DHX29: variants seen among roughly 807,000 people sequenced by gnomAD.
DHX29 encodes the protein ATP-dependent RNA helicase DHX29.
DHX29 carries 79 observed loss-of-function variants against 167.9 expected under a neutral mutation model. The observed-to-expected ratio is 0.47, with a 90% CI of 0.39 to 0.57. DHX29 has a LOEUF of 0.57. Among genes scored for constraint, DHX29 ranks in the 20% least tolerant of loss-of-function variants. DHX29 has a pLI of 0.00. For synonymous variants in DHX29, 530 were observed against 546.0 expected (o/e 0.97, Z 0.41); for missense variants, 1,347 against 1,593.4 (o/e 0.85, Z 2.63).
chr5:55,305,320 G>C (rs17581920), intron 1 of DHX29, among the ~76,000 whole-genome samples: 4,862 of 152,332 alleles, frequency 0.032, 112 homozygotes, highest in Non-Finnish European at 0.045. Flanking sequence ...GTTAGGGACA[G>C]ATTGCACTCC....
rs1747653181 is a variant in DHX29, at chr5:55,285,187, TA to T, written c.1356+105del. On this transcript the variant is annotated intron_variant, in intron 10 of 26. Transcript: ENST00000251636. ...GGTTGAAAGGAAGCCAAATTAGGAA[TA>T]ATGAGAAAGGATTAATCAGAAGAAA... is the stretch of plus-strand genomic sequence containing the variant. 9 of 1,479,786 alleles carry T rather than the reference TA, an allele frequency of 6.1e-6. No individual in the cohort carries two copies. In the South Asian group the frequency reaches 1.3e-4, roughly 21 times the overall value. 91.7% of individuals were successfully genotyped at this position (1,479,786 alleles called of 1,614,324 possible).
chr5:55,295,887 C>T (rs1051053289), intron 4 of DHX29, among the ~76,000 whole-genome samples: 5 of 152,188 alleles, frequency 3.3e-5, no homozygotes, highest in Admixed American at 2.6e-4. Flanking sequence ...CCAAAGATTA[C>T]AATCATGATC....
chr5:55,291,602 C>T (rs1417771135), intron 6 of DHX29, among the ~76,000 whole-genome samples: 3 of 152,122 alleles, frequency 2.0e-5, no homozygotes, highest in Non-Finnish European at 4.4e-5. Context: ...GTTGTACAAC[C>T]AGCACCACCA....
At chr5:55,293,938 A>C (rs1748173727) in intron 6 of DHX29, 79 bp downstream of exon 6, 1 of 1,474,970 alleles carries the variant, frequency 6.8e-7, no homozygotes, top group Non-Finnish European at 9.1e-7. Flanking sequence ...TTTACAAATG[A>C]GCAAACTAAG....
chr5:55,301,728 A>AAAAAAAAAC (rs1561172393), intron 1 of DHX29, among the ~76,000 whole-genome samples: 2 of 151,418 alleles, frequency 1.3e-5, no homozygotes, highest in African/African-American at 4.9e-5. Context: ...AAAAAAAAAA[A>AAAAAAAAAC]AAAAAAAACA....
chr5:55,291,019 A>C (rs1475564263), intron 6 of DHX29, among the ~76,000 whole-genome samples: 2 of 152,188 alleles, frequency 1.3e-5, no homozygotes, highest in Admixed American at 6.5e-5. Flanking sequence ...TGTCTCAAAA[A>C]AAAATTGTTT....
intron 21 of DHX29, among the ~76,000 whole-genome samples, chr5:55,268,448 A>G (rs980522664): frequency 2.6e-5 from 4 of 152,134 alleles, no homozygotes; most frequent in Admixed American, 6.5e-5. Context: ...TTTTAGAGAC[A>G]GAGTCTTGTT....
intron 8 of DHX29, among the ~76,000 whole-genome samples, chr5:55,286,697 C>T (rs1747747822): frequency 6.6e-6 from 1 of 152,216 alleles, no homozygotes; most frequent in African/African-American, 2.4e-5. Flanking sequence ...TGTCTCAGAA[C>T]AGCAGACATA....
chr5:55,291,886 T>C (rs1022158481), intron 6 of DHX29, among the ~76,000 whole-genome samples: 3 of 152,232 alleles, frequency 2.0e-5, no homozygotes, highest in Non-Finnish European at 4.4e-5. Context: ...CTATTCAGTT[T>C]GATGTGCATG....
intron 3 of DHX29, among the ~76,000 whole-genome samples, chr5:55,296,822 A>G (rs559930728): frequency 2.3e-4 from 35 of 152,108 alleles, no homozygotes; most frequent in Non-Finnish European, 4.9e-4. Flanking sequence ...ATCTTTATAG[A>G]TAAAGATAAA....
At position 55,256,154 on chromosome 5, in the gene DHX29, G is replaced by A. The variant is rs573309625; in HGVS notation, c.*334C>T. On this transcript the variant is annotated 3_prime_UTR_variant, in exon 27 of 27. Transcript: ENST00000251636. ...CTGCAGACATCAAGGACTGATAGGG[G>A]ATGAGGCAGCTACACAGGGAATCAC... 3.6e-5 allele frequency: 6 copies of A among 168,118 alleles called. No homozygotes were observed. Among genetic ancestry groups the A allele is most frequent in the South Asian group, 1.6e-4 (1 of 6,134 alleles). 10.4% of individuals were successfully genotyped at this position (168,118 alleles called of 1,614,324 possible).
intron 15 of DHX29, 34 bp downstream of exon 15, chr5:55,274,832 A>G: frequency 6.3e-7 from 1 of 1,592,740 alleles, no homozygotes; most frequent in South Asian, 1.1e-5. Context: ...GTTTTATCAA[A>G]TCAAATGGAG....
At chr5:55,266,059 G>A (rs1009995680) in intron 23 of DHX29, among the ~76,000 whole-genome samples, 4 of 151,666 alleles carry the variant, frequency 2.6e-5, no homozygotes, top group Admixed American at 2.0e-4. Flanking sequence ...GAGTGCAGTG[G>A]TGCGATCTTG....
Position 55,266,804 on chromosome 5 carries a change from C to T in DHX29, c.3525+334G>A, listed in dbSNP as rs549023821. 9.3e-4 allele frequency among the ~76,000 whole-genome samples: 141 copies of T among 151,662 alleles called. 2 individuals are homozygous for T. The highest frequency in any genetic ancestry group is 8.6e-3 in the Admixed American group (131 of 15,230). On this transcript the variant is annotated intron_variant, in intron 23 of 26. Transcript: ENST00000251636. ...TTAATTTTTTTATTTTTGGTAGAGA[C>T]GCAGTCTCACTATGTGCCCAGGCTG...
intron 6 of DHX29, among the ~76,000 whole-genome samples, chr5:55,293,173 T>C (rs1277846206): frequency 2.0e-5 from 3 of 152,222 alleles, no homozygotes; most frequent in African/African-American, 7.2e-5. Context: ...ACTTCTACCA[T>C]TTGCTTGTTG....
At position 55,307,579 on chromosome 5, in the gene DHX29, A is replaced by C. The variant is rs775635699; in HGVS notation, c.-6T>G. On this transcript the variant is annotated 5_prime_UTR_variant, in exon 1 of 27. Coordinates refer to ENST00000251636, the MANE Select transcript of DHX29 (RefSeq NM_019030.4). ...TTCTTGTTCTTGCCGCCCATGTTGC[A>C]GCTGTGGCAGAAGATCCTTCGCGGC... is the stretch of plus-strand genomic sequence containing the variant. 3 of 1,613,140 alleles carry C rather than the reference A, an allele frequency of 1.9e-6. No homozygotes were observed. The highest frequency in any genetic ancestry group is 2.2e-5 in the South Asian group (2 of 91,054).
In DHX29 at chr5:55,298,578, C is replaced by T. The variant is rs533172191; in HGVS notation, c.261+13G>A. 2.8e-6 allele frequency: 4 copies of T among 1,453,036 alleles called. No individual in the cohort carries two copies. The South Asian group carries it at 3.5e-5, about 13-fold the overall frequency. The allele number at this position is 1,453,036 out of a possible 1,614,324, so 90.0% of individuals were successfully genotyped here. On this transcript the variant is annotated intron_variant, in intron 2 of 26. Coordinates refer to ENST00000251636, the MANE Select transcript of DHX29 (RefSeq NM_019030.4). ...AACATTTCTTGAAATGACTCAAAAC[C>T]TTTGTTACTTACTTTCAAAATAGAT...
Position 55,262,887 on chromosome 5 carries a change from A to T in DHX29, c.3571T>A (p.Ser1191Thr). 2 of 1,614,064 alleles carry T rather than the reference A, an allele frequency of 1.2e-6. No homozygotes were observed. The highest frequency in any genetic ancestry group is 8.5e-7 in the Non-Finnish European group (1 of 1,179,946). The stretch of plus-strand genomic sequence containing the variant: ...CAGCTGGTAGAAGTTGTGGAAGATG[A>T]AAATCCTGCTGCCTTAACCAACTTT... ...LIKLVKAAGF[S>T]SSTTSTSWEG... Residue 1191 changes from serine (S) to threonine (T), a missense_variant, in exon 24 of 27, where the codon TCA (serine) becomes ACA (threonine). Physicochemically the swap from Ser to Thr is moderately conservative, Grantham distance 58. Coordinates refer to ENST00000251636, the MANE Select transcript of DHX29 (RefSeq NM_019030.4).
At chr5:55,267,283 CAA>C (rs767957141) in intron 22 of DHX29, 52 bp from the exon 23 acceptor site, 21 of 1,405,910 alleles carry the variant, frequency 1.5e-5, no homozygotes, top group South Asian at 1.5e-4. Flanking sequence ...GTTCTCTTTC[CAA>C]ACTCTTTTTC....
Sources: gnomAD v4.1 joint callset for allele counts (sites outside exome capture counted in the v4.1 genomes callset) on GRCh38, gnomAD v4.1.1 for gene constraint, MANE v1.5 for transcripts, NCBI Gene and HGNC (gene_info 2026-07-23, HGNC 2026-07-21) for gene names.